ABCC1: variants seen among roughly 807,000 people sequenced by gnomAD.
ABCC1 encodes ATP binding cassette subfamily C member 1 (ABCC1 blood group).
In ABCC1, 83 loss-of-function variants were observed where a neutral mutation model predicts 172.9. That is an observed-to-expected ratio of 0.48 (90% CI 0.40 to 0.58). ABCC1 has a LOEUF of 0.58. Ranked by LOEUF, ABCC1 falls within the 20% of genes least tolerant of loss-of-function variation. The probability of loss-of-function intolerance (pLI) is 0.00; values close to 1 mark genes in which losing one functional copy is unlikely to be tolerated. For synonymous variants in ABCC1, 937 were observed against 825.2 expected, an observed-to-expected ratio of 1.14 and a Z score of -2.32; for missense variants, 1,817 against 2,002.7, an observed-to-expected ratio of 0.91 and a Z score of 1.77.
chr16:16,021,166 A>C (rs2048180635), intron 5 of ABCC1, among the ~76,000 whole-genome samples: 1 of 152,112 alleles, frequency 6.6e-6, no homozygotes, highest in Non-Finnish European at 1.5e-5. Context: ...TATGTCTTGC[A>C]TAAGGGTGAA....
In ABCC1 at chr16:16,083,471, A is replaced by G. The variant is rs2050884415; in HGVS notation, c.2221A>G (p.Ile741Val). Residue 741 changes from isoleucine (I) to valine (V), a missense_variant, in exon 17 of 31, where the codon ATA becomes GTA. Physicochemically the swap from Ile to Val is conservative, Grantham distance 29. This residue lies in a region of ABCC1 where 1,412 missense variants were observed against 1,600.3 expected (regional missense o/e 0.88). Coordinates refer to ENST00000399410, the MANE Select transcript of ABCC1 (RefSeq NM_004996.4). ...GGAGGAACCATATTACAGGTCCGTGATACAGGCCTGTGCCCTCCTCCCAGA... is the reference window on the plus strand; with the variant it reads ...GGAGGAACCATATTACAGGTCCGTGGTACAGGCCTGTGCCCTCCTCCCAGA... ...QLEEPYYRSVIQACALLPDLE... is the reference protein window; with the variant it reads ...QLEEPYYRSVVQACALLPDLE... 1.9e-6 allele frequency: 3 copies of G among 1,613,842 alleles called. No homozygotes were observed. The highest frequency in any genetic ancestry group is 1.3e-5 in the African/African-American group (1 of 74,920).
chr16:16,129,647 C>T (rs541130095), intron 26 of ABCC1, among the ~76,000 whole-genome samples: 9 of 151,176 alleles, frequency 6.0e-5, no homozygotes, highest in African/African-American at 1.7e-4. Context: ...TAGTGATCGT[C>T]GTGTCTCAAC....
At chr16:15,997,065 C>T (rs921469553) in intron 1 of ABCC1, among the ~76,000 whole-genome samples, 5 of 148,470 alleles carry the variant, frequency 3.4e-5, no homozygotes, top group African/African-American at 4.9e-5. Context: ...TGGAGGGAGC[C>T]GGGAGCTGGG....
chr16:16,087,358 A>C (rs989749024), intron 18 of ABCC1, among the ~76,000 whole-genome samples: 1 of 152,194 alleles, frequency 6.6e-6, no homozygotes, highest in Non-Finnish European at 1.5e-5. Flanking sequence ...GAGGGGTCGG[A>C]AAATTGCCAC....
At position 16,102,682 on chromosome 16, in the gene ABCC1, G is replaced by A; in HGVS notation, c.2700G>A (p.Met900Ile). ...AAGCAAAGCAAATGGAGAATGGCATGCTGGTGACGGACAGTGCAGGGAAGC... is the reference window on the plus strand; with the variant it reads ...AAGCAAAGCAAATGGAGAATGGCATACTGGTGACGGACAGTGCAGGGAAGC... ...GKEAKQMENG[M>I]LVTDSAGKQL... Residue 900 changes from methionine to isoleucine, a missense_variant, in exon 20 of 31, where the codon ATG (methionine) becomes ATA (isoleucine). Around this residue, in one of 3 missense-constraint regions of ABCC1, gnomAD observed 1,412 missense variants for 1,600.3 expected, o/e 0.88. Coordinates refer to ENST00000399410, the MANE Select transcript of ABCC1 (RefSeq NM_004996.4). The A allele has an allele frequency of 6.3e-7, 1 of 1,590,268 alleles. No homozygotes were observed. The highest frequency in any genetic ancestry group is 8.6e-7 in the Non-Finnish European group (1 of 1,168,152).
chr16:16,002,124 G>A (rs913746391), intron 1 of ABCC1, among the ~76,000 whole-genome samples: 4 of 152,160 alleles, frequency 2.6e-5, no homozygotes, highest in Non-Finnish European at 4.4e-5. Flanking sequence ...CCAGGAGACC[G>A]ATGGAAGTCA....
intron 11 of ABCC1, 106 bp from the exon 12 acceptor site, chr16:16,055,986 A>G (rs1465693157): frequency 7.2e-6 from 7 of 968,306 alleles, no homozygotes; most frequent in East Asian, 2.6e-5. Flanking sequence ...AAACATTTAC[A>G]TGTCAAAGTA....
chr16:15,998,390 GTGC>G (rs2047132653), intron 1 of ABCC1, among the ~76,000 whole-genome samples: 1 of 152,206 alleles, frequency 6.6e-6, no homozygotes, highest in Non-Finnish European at 1.5e-5. Flanking sequence ...GCCTCCCAAA[GTGC>G]TGGGTTTACA....
intron 27 of ABCC1, among the ~76,000 whole-genome samples, chr16:16,132,651 A>G (rs1359334460): frequency 6.7e-6 from 1 of 149,784 alleles, no homozygotes; most frequent in Non-Finnish European, 1.5e-5. Flanking sequence ...CCTCCCGAGT[A>G]GCTGGGACTA....
At chr16:16,129,945 T>A (rs1397872925) in intron 26 of ABCC1, among the ~76,000 whole-genome samples, 3 of 152,246 alleles carry the variant, frequency 2.0e-5, no homozygotes, top group Non-Finnish European at 4.4e-5. Flanking sequence ...CTTGGCCATG[T>A]GCTCTGCAGC....
Position 16,097,316 on chromosome 16 carries a change from T to C in ABCC1, c.2645-5311T>C, listed in dbSNP as rs569941564. Among the ~76,000 whole-genome samples, 144 of 152,278 alleles carry C rather than the reference T, an allele frequency of 9.5e-4. 1 individual carries two copies. The highest frequency in any genetic ancestry group is 1.8e-3 in the Non-Finnish European group (120 of 68,018). On this transcript the variant is annotated intron_variant, in intron 19 of 30. Coordinates refer to ENST00000399410, the MANE Select transcript of ABCC1 (RefSeq NM_004996.4). ...TTAGTAGAGACGGCGTTGTGCCACATTGGTCAGGCTGGTCTTGAACTCCGG... is the reference window on the plus strand; with the variant it reads ...TTAGTAGAGACGGCGTTGTGCCACACTGGTCAGGCTGGTCTTGAACTCCGG...
intron 1 of ABCC1, among the ~76,000 whole-genome samples, chr16:15,966,798 T>C (rs1240232511): frequency 6.6e-6 from 1 of 151,930 alleles, no homozygotes. Flanking sequence ...TTATAGATGC[T>C]TGTCAACATG....
At chr16:16,088,122 T>C (rs1177139883) in intron 18 of ABCC1, among the ~76,000 whole-genome samples, 1 of 94,996 alleles carries the variant, frequency 1.1e-5, no homozygotes, top group East Asian at 2.9e-4. Context: ...TATGTGTGTA[T>C]GCGTGTGTGT....
chr16:15,990,472 C>T (rs992843796), intron 1 of ABCC1, among the ~76,000 whole-genome samples: 2 of 152,144 alleles, frequency 1.3e-5, no homozygotes, highest in African/African-American at 4.8e-5. Context: ...CCAACACCTC[C>T]CTGTTTCCCC....
chr16:16,043,680 C>T (rs1338493863), intron 7 of ABCC1, among the ~76,000 whole-genome samples: 1 of 152,066 alleles, frequency 6.6e-6, no homozygotes, highest in African/African-American at 2.4e-5. Flanking sequence ...CCACTCACAG[C>T]AACCTCCACC....
At chr16:16,109,669 A>G (rs760217546) in intron 21 of ABCC1, among the ~76,000 whole-genome samples, 48 of 152,210 alleles carry the variant, frequency 3.2e-4, no homozygotes, top group Non-Finnish European at 5.6e-4. Context: ...TGGGCTCCAC[A>G]GGGAATATAG....
intron 7 of ABCC1, among the ~76,000 whole-genome samples, chr16:16,041,029 G>A (rs1208052174): frequency 6.6e-6 from 1 of 152,004 alleles, no homozygotes; most frequent in Non-Finnish European, 1.5e-5. Flanking sequence ...CTAGGCTGGA[G>A]TGATCCTCCC....
intron 3 of ABCC1, 47 bp from the exon 4 acceptor site, chr16:16,014,444 T>C: frequency 1.2e-6 from 2 of 1,600,106 alleles, no homozygotes; most frequent in East Asian, 2.2e-5. Context: ...TGAAACTCTG[T>C]CTCAAAAAAA....
intron 2 of ABCC1, 87 bp downstream of exon 2, chr16:16,008,079 C>A: frequency 7.4e-7 from 1 of 1,343,842 alleles, no homozygotes; most frequent in East Asian, 2.4e-5. Flanking sequence ...CATTTCTCTT[C>A]TACTTAGTTG....
Sources: gnomAD v4.1 joint callset for allele counts (sites outside exome capture counted in the v4.1 genomes callset) on GRCh38, gnomAD v4.1.1 for gene constraint, gnomAD v4.1.1 regional missense constraint, MANE v1.5 for transcripts, NCBI Gene and HGNC (gene_info 2026-07-23, HGNC 2026-07-21) for gene names.